Variants in ADAM8 observed in about 807,000 individuals in gnomAD.
ADAM8 encodes ADAM metallopeptidase domain 8.
ADAM8 carries 104 observed loss-of-function variants against 102.4 expected under a neutral mutation model. The ratio of observed to expected loss-of-function variants is 1.02; its 90% CI spans 0.87 to 1.20. ADAM8 has a LOEUF of 1.20. Ranked by LOEUF, ADAM8 falls within the 50% of genes most tolerant of loss-of-function variation. The pLI is 0.00. For synonymous variants in ADAM8, 517 were observed against 485.2 expected (o/e 1.07, Z -0.86); for missense variants, 1,132 against 1,159.0 (o/e 0.98, Z 0.34).
intron 21 of ADAM8, 111 bp downstream of exon 21, chr10:133,267,241 G>T (rs118007277): frequency 8.1e-7 from 1 of 1,242,204 alleles, no homozygotes. Context: ...TCTGTGTACA[G>T]CAGGGGCCAC....
intron 2 of ADAM8, chr10:133,274,948 G>A (rs755574094): frequency 5.8e-5 from 24 of 410,898 alleles, no homozygotes; most frequent in Middle Eastern, 3.5e-4. Flanking sequence ...TAGGTTCCCC[G>A]GATGCTGAGG....
At position 133,273,750 on chromosome 10, in the gene ADAM8, C is replaced by T. The variant is rs1243386337; in HGVS notation, c.383+12G>A. 31 of 1,547,440 alleles carry T rather than the reference C, an allele frequency of 2.0e-5. No individual in the cohort carries two copies. The highest frequency in any genetic ancestry group is 2.4e-5 in the South Asian group (2 of 83,980). On this transcript the variant is annotated intron_variant, in intron 5 of 22. Coordinates refer to ENST00000445355, the MANE Select transcript of ADAM8 (RefSeq NM_001109.5). ...ACCTGCGGGAGCCCTGGCGTTCGTC[C>T]GCCACACCCACCTGAGGCCGGCACA...
chr10:133,267,568 G>A (rs1251054401), intron 20 of ADAM8, 151 bp from the exon 21 acceptor site: 11 of 762,740 alleles, frequency 1.4e-5, no homozygotes, highest in South Asian at 3.7e-5. Context: ...GAGAGGCCCC[G>A]CCCCATTCCT....
intron 20 of ADAM8, 103 bp from the exon 21 acceptor site, chr10:133,267,520 G>A: frequency 2.5e-6 from 3 of 1,199,268 alleles, no homozygotes; most frequent in African/African-American, 1.5e-5. Context: ...TGTGTGTGCT[G>A]GAGGCGTCTG....
chr10:133,262,812 T>G lies in ADAM8; in HGVS notation c.*344A>C. Reference sequence around the variant, plus strand: ...CAGCAGGCCCCAGAGCAGGGGCAGGTGTGGCTGGGAGGGGCTGTATATGTG... The same window carrying G: ...CAGCAGGCCCCAGAGCAGGGGCAGGGGTGGCTGGGAGGGGCTGTATATGTG... On this transcript the variant is annotated 3_prime_UTR_variant, in exon 23 of 23. Transcript: ENST00000445355. The G allele has an allele frequency of 3.4e-6, 1 of 290,586 alleles. No individual in the cohort carries two copies. The highest frequency in any genetic ancestry group is 4.2e-5 in the South Asian group (1 of 23,692). The allele number at this position is 290,586 out of a possible 1,614,324, so 18.0% of individuals were successfully genotyped here. A position where few individuals can be genotyped will look rare whatever the true frequency, so the allele number is the denominator to read the frequency against.
At chr10:133,263,860 A>G in intron 21 of ADAM8, 95 bp from the exon 22 acceptor site, 2 of 1,122,454 alleles carry the variant, frequency 1.8e-6, no homozygotes, top group Non-Finnish European at 2.4e-6. Context: ...GAAGCTCCCC[A>G]CAGACCTCGC....
chr10:133,273,774 C>T lies in ADAM8; in HGVS notation c.371G>A (p.Cys124Tyr). The change falls in exon 5 of 23, where the codon TGT becomes TAT. Residue 124 changes from cysteine to tyrosine, a missense_variant. Transcript: ENST00000445355. The stretch of plus-strand genomic sequence containing the variant: ...CCGCCACACCCACCTGAGGCCGGCA[C>T]AGGTGCTGAGGCTGGCGGCTGAGTC... ...YPDSAASLST[C>Y]AGLRGFFQVG... The T allele has an allele frequency of 6.5e-7, 1 of 1,548,812 alleles. No individual in the cohort carries two copies. The highest frequency in any genetic ancestry group is 2.4e-5 in the East Asian group (1 of 40,900).
intron 21 of ADAM8, 99 bp from the exon 22 acceptor site, chr10:133,263,864 A>T (rs1846240411): frequency 9.3e-7 from 1 of 1,074,256 alleles, no homozygotes; most frequent in Non-Finnish European, 1.3e-6. Flanking sequence ...CTCCCCACAG[A>T]CCTCGCTCTG....
In ADAM8 at chr10:133,276,704, G is replaced by A. The variant is rs1846769548; in HGVS notation, c.46+68C>T. The A allele has an allele frequency of 4.0e-6, 6 of 1,510,636 alleles. No homozygotes were observed. The East Asian group carries it at 1.6e-4, about 41-fold the overall frequency. 93.6% of individuals were successfully genotyped at this position (1,510,636 alleles called of 1,614,324 possible). On this transcript the variant is annotated intron_variant, in intron 1 of 22. Coordinates refer to ENST00000445355, the MANE Select transcript of ADAM8 (RefSeq NM_001109.5). ...AGCAGGCCAGGGGCTCGGGGTCCGC[G>A]TCGCGTCCTGCGGGGAGAGCCACCC...
At chr10:133,268,724 C>T (rs376731910) in intron 19 of ADAM8, 24 bp downstream of exon 19, 10 of 1,599,290 alleles carry the variant, frequency 6.3e-6, no homozygotes, top group South Asian at 5.6e-5. Context: ...CGCCACCCTC[C>T]GTCACAGCCC....
At position 133,273,843 on chromosome 10, in the gene ADAM8, G is replaced by T; in HGVS notation, c.307-5C>A. 1 of 1,548,944 alleles carries T rather than the reference G, an allele frequency of 6.5e-7. No homozygotes were observed. The highest frequency in any genetic ancestry group is 1.2e-5 in the South Asian group (1 of 84,094). On this transcript the variant is annotated splice_region_variant and splice_polypyrimidine_tract_variant and intron_variant, in intron 4 of 22. Transcript: ENST00000445355. ...GCCCTGGTAGAAGCAGTGGTCCTGC[G>T]GGGGAAGCAGGAGAGGGGTCCACAG...
chr10:133,270,331 GT>G (rs1464612131), intron 16 of ADAM8, 28 bp downstream of exon 16: 2 of 1,561,958 alleles, frequency 1.3e-6, no homozygotes, highest in Admixed American at 1.8e-5. Flanking sequence ...TGCCTGGGGG[GT>G]GGCGCGGCCT....
rs1184065874 is a variant in ADAM8 at position 133,272,210 on chromosome 10, A to C, written c.940T>G (p.Ser314Ala). 6.5e-7 allele frequency: 1 copy of C among 1,549,724 alleles called. No individual in the cohort carries two copies. Among genetic ancestry groups the C allele is most frequent in the Non-Finnish European group, 8.7e-7 (1 of 1,146,676 alleles). Residue 314 changes from serine (S) to alanine (A), a missense_variant, in exon 10 of 23, where the codon TCA becomes GCA. Ser to Ala is a moderately conservative substitution (Grantham distance 99). Coordinates refer to ENST00000445355, the MANE Select transcript of ADAM8 (RefSeq NM_001109.5). ...CCCCTCACCTGGTTCACAGCCCCTG[A>C]GCTGTGGGAGCACATGGCGGACACC... Reference protein sequence around the residue: ...ARVSAMCSHSSGAVNQDHSKN... With the variant: ...ARVSAMCSHSAGAVNQDHSKN...
At chr10:133,270,329 G>T (rs1210537794) in intron 16 of ADAM8, 31 bp downstream of exon 16, 4 of 1,561,572 alleles carry the variant, frequency 2.6e-6, no homozygotes, top group South Asian at 2.3e-5. Flanking sequence ...GATGCCTGGG[G>T]GGTGGCGCGG....
chr10:133,263,516 C>T (rs2275722), intron 22 of ADAM8, among the ~76,000 whole-genome samples, 172 bp downstream of exon 22: 136,853 of 152,274 alleles, frequency 0.9, 61,598 homozygotes, highest in East Asian at 0.94. Flanking sequence ...AGCACAGATA[C>T]CACAGTACAG....
intron 16 of ADAM8, 133 bp from the exon 17 acceptor site, chr10:133,270,107 C>A: frequency 8.4e-7 from 1 of 1,184,456 alleles, no homozygotes. Flanking sequence ...GCCCATCTGC[C>A]GGCTGCCTAC....
rs146709317 is a variant in ADAM8, at chr10:133,272,525, C to T, written c.766G>A (p.Asp256Asn). The change falls in exon 9 of 23, where the codon GAC becomes AAC. Residue 256 changes from aspartate to asparagine, a missense_variant. Coordinates refer to ENST00000445355, the MANE Select transcript of ADAM8 (RefSeq NM_001109.5). ...LVGLEIWNSQ[D>N]RFHVSPDPSV... The stretch of plus-strand genomic sequence containing the variant: ...GGGTCGGGGCTGACGTGGAACCTGT[C>T]CTGACTATTCCAAATCTCCAGGCCC... 1.3e-5 allele frequency: 21 copies of T among 1,612,082 alleles called. No individual in the cohort carries two copies. The highest frequency in any genetic ancestry group is 1.6e-5 in the Non-Finnish European group (19 of 1,179,850).
chr10:133,269,963 T>G lies in ADAM8; in HGVS notation c.1797A>C (p.Lys599Asn). 6.2e-7 allele frequency: 1 copy of G among 1,612,654 alleles called. No individual in the cohort carries two copies. The highest frequency in any genetic ancestry group is 8.5e-7 in the Non-Finnish European group (1 of 1,179,934). The change falls in exon 17 of 23, where the codon AAA (lysine) becomes AAC (asparagine). Residue 599 changes from lysine to asparagine, a missense_variant. By Grantham distance (94) the Lys-to-Asn change is moderately conservative (BLOSUM62 0). Coordinates refer to ENST00000445355, the MANE Select transcript of ADAM8 (RefSeq NM_001109.5). The stretch of plus-strand genomic sequence containing the variant: ...AAACGTGTAAGTCCTGGCAACGTCC[T>G]TTCCAGCAAACCTGGGGGTAGGAGG... The part of the protein sequence containing the change: ...TRCGPEKVCW[K>N]GRCQDLHVYR...
At chr10:133,275,174 A>G (rs1846704328) in intron 2 of ADAM8, among the ~76,000 whole-genome samples, 1 of 152,052 alleles carries the variant, frequency 6.6e-6, no homozygotes, top group Non-Finnish European at 1.5e-5. Flanking sequence ...GCGGTGAGCC[A>G]GCGTCACTTC....
Sources: allele counts gnomAD v4.1 joint callset (sites outside exome capture counted in the v4.1 genomes callset), GRCh38; gene constraint gnomAD v4.1.1; transcripts MANE v1.5; gene names NCBI Gene and HGNC (gene_info 2026-07-23, HGNC 2026-07-21).